The following PLCB1 variants were observed in gnomAD, a reference collection of about 807,000 sequenced individuals.
PLCB1 encodes 1-phosphatidylinositol 4,5-bisphosphate phosphodiesterase beta-1.
Under a neutral mutation model 161.8 loss-of-function variants are expected in PLCB1, and 46 were observed. The observed-to-expected ratio is 0.28, with a 90% CI of 0.22 to 0.36. PLCB1 has a LOEUF of 0.36. Ranked by LOEUF, PLCB1 falls within the 10% of genes least tolerant of loss-of-function variation. PLCB1 has a pLI of 1.00. For synonymous variants in PLCB1, 517 were observed against 503.7 expected (o/e 1.03, Z -0.35); for missense variants, 1,016 against 1,472.5 (o/e 0.69, Z 5.07).
At chr20:8,365,418 T>C (rs1256062800) in intron 2 of PLCB1, among the ~76,000 whole-genome samples, 1 of 152,212 alleles carries the variant, frequency 6.6e-6, no homozygotes, top group African/African-American at 2.4e-5. Context: ...TGTTTCTTAC[T>C]GTGGGTCTCC....
chr20:8,194,112 C>T (rs2051999030), intron 2 of PLCB1, among the ~76,000 whole-genome samples: 1 of 152,032 alleles, frequency 6.6e-6, no homozygotes, highest in Non-Finnish European at 1.5e-5. Flanking sequence ...AAGCTCTACC[C>T]TGTGTACATC....
chr20:8,244,165 G>A (rs1488402892), intron 2 of PLCB1, among the ~76,000 whole-genome samples: 1 of 151,912 alleles, frequency 6.6e-6, no homozygotes, highest in Non-Finnish European at 1.5e-5. Flanking sequence ...TGGTAGCAGT[G>A]TAAATTGGCT....
At chr20:8,268,411 G>A (rs1982095268) in intron 2 of PLCB1, among the ~76,000 whole-genome samples, 1 of 152,152 alleles carries the variant, frequency 6.6e-6, no homozygotes, top group Non-Finnish European at 1.5e-5. Context: ...ATTGTGAATA[G>A]TGCTGCAGTA....
chr20:8,850,988 T>C (rs960340313), intron 31 of PLCB1, among the ~76,000 whole-genome samples: 3 of 152,228 alleles, frequency 2.0e-5, no homozygotes, highest in African/African-American at 7.2e-5. Flanking sequence ...TTTATTGTAC[T>C]CACACATTGT....
rs1378563988 is a variant in PLCB1, at chr20:8,697,719, G to A, written c.1103G>A (p.Arg368Gln). 1 of 1,613,954 alleles carries A rather than the reference G, an allele frequency of 6.2e-7. No homozygotes were observed. The highest frequency in any genetic ancestry group is 8.5e-7 in the Non-Finnish European group (1 of 1,179,990). The change falls in exon 11 of 32, where the codon CGG (arginine) becomes CAG (glutamine). Residue 368 changes from arginine to glutamine, a missense_variant. Around this residue, in one of 10 missense-constraint regions of PLCB1, gnomAD observed 56 missense variants for 126.3 expected, o/e 0.44. Transcript: ENST00000338037. Reference protein sequence around the residue: ...RCVELDCWKGRTAEEEPVITH... With the variant: ...RCVELDCWKGQTAEEEPVITH... ...GTGGAGCTGGACTGCTGGAAGGGACGGACTGCAGAAGAGGAACCTGTCATC... is the reference window on the plus strand; with the variant it reads ...GTGGAGCTGGACTGCTGGAAGGGACAGACTGCAGAAGAGGAACCTGTCATC...
chr20:8,666,674 C>T (rs1989819619), intron 9 of PLCB1, among the ~76,000 whole-genome samples: 1 of 152,250 alleles, frequency 6.6e-6, no homozygotes, highest in Non-Finnish European at 1.5e-5. Flanking sequence ...GGCACTCCAA[C>T]AGGACTTGCT....
chr20:8,189,897 G>GA (rs1016856427), intron 2 of PLCB1, among the ~76,000 whole-genome samples: 73 of 151,454 alleles, frequency 4.8e-4, no homozygotes, highest in African/African-American at 2.7e-4. Context: ...GTTTTTCCAG[G>GA]AAAAAAAATG....
intron 2 of PLCB1, among the ~76,000 whole-genome samples, chr20:8,327,128 C>T (rs1187764074): frequency 1.3e-5 from 2 of 152,132 alleles, no homozygotes; most frequent in African/African-American, 4.8e-5. Context: ...TCAAGTTATC[C>T]ACCCACCTTG....
intron 25 of PLCB1, among the ~76,000 whole-genome samples, chr20:8,764,578 A>G (rs1003095192): frequency 5.3e-5 from 8 of 152,096 alleles, no homozygotes; most frequent in African/African-American, 1.9e-4. Context: ...AACAGCTCAT[A>G]ACTTCTCCTT....
At chr20:8,648,628 A>G (rs1471358781) in intron 6 of PLCB1, among the ~76,000 whole-genome samples, 3 of 152,200 alleles carry the variant, frequency 2.0e-5, no homozygotes, top group Admixed American at 1.3e-4. Context: ...CTTACAAGCT[A>G]CTAGAAAGCT....
At chr20:8,727,224 C>T in intron 16 of PLCB1, 85 bp from the exon 17 acceptor site, 4 of 624,072 alleles carry the variant, frequency 6.4e-6, no homozygotes, top group South Asian at 2.2e-5. Flanking sequence ...GAATATTTAC[C>T]CATTTCTTTT....
chr20:8,877,746 A>C (rs936761636), intron 31 of PLCB1, among the ~76,000 whole-genome samples: 1 of 152,262 alleles, frequency 6.6e-6, no homozygotes, highest in African/African-American at 2.4e-5. Flanking sequence ...TATAAGAAGA[A>C]AAAGCAAAAG....
chr20:8,496,317 A>AC (rs1353983608), intron 3 of PLCB1, among the ~76,000 whole-genome samples: 42 of 131,008 alleles, frequency 3.2e-4, no homozygotes, highest in Non-Finnish European at 6.0e-4. Context: ...ACATGGCAAG[A>AC]CCCCATCTCT....
At chr20:8,679,294 G>A (rs1600245431) in intron 9 of PLCB1, among the ~76,000 whole-genome samples, 1 of 152,272 alleles carries the variant, frequency 6.6e-6, no homozygotes. Context: ...AAAGGGATCC[G>A]AACCTGAGAA....
chr20:8,673,404 T>C (rs1989998133), intron 9 of PLCB1, among the ~76,000 whole-genome samples: 1 of 152,194 alleles, frequency 6.6e-6, no homozygotes, highest in African/African-American at 2.4e-5. Context: ...TTTGATAGCT[T>C]TGAGCATTTA....
chr20:8,606,304 G>A (rs998097364), intron 3 of PLCB1, among the ~76,000 whole-genome samples: 2 of 152,078 alleles, frequency 1.3e-5, no homozygotes, highest in African/African-American at 4.8e-5. Flanking sequence ...AAATAACACA[G>A]TACTTTCTCC....
chr20:8,794,164 T>C (rs1230240803), intron 31 of PLCB1, among the ~76,000 whole-genome samples: 1 of 152,196 alleles, frequency 6.6e-6, no homozygotes, highest in Non-Finnish European at 1.5e-5. Flanking sequence ...CTCTACAATT[T>C]GTGCAGTTAA....
At chr20:8,824,842 A>G (rs192821542) in intron 31 of PLCB1, among the ~76,000 whole-genome samples, 3 of 152,314 alleles carry the variant, frequency 2.0e-5, no homozygotes, top group Non-Finnish European at 2.9e-5. Context: ...TAAGAATAAA[A>G]AGGTAACTTG....
chr20:8,811,287 C>T (rs145853893), intron 31 of PLCB1, among the ~76,000 whole-genome samples: 6 of 152,262 alleles, frequency 3.9e-5, no homozygotes, highest in African/African-American at 1.4e-4. Flanking sequence ...ATCTAACACT[C>T]ATTTGGAGGT....
Sources: allele counts gnomAD v4.1 joint callset (sites outside exome capture counted in the v4.1 genomes callset), GRCh38; gene constraint gnomAD v4.1.1; regional missense constraint gnomAD v4.1.1; transcripts MANE v1.5; gene names NCBI Gene and HGNC (gene_info 2026-07-23, HGNC 2026-07-21).